SIRPA: variants seen among roughly 807,000 people sequenced by gnomAD.
The protein encoded by SIRPA is tyrosine-protein phosphatase non-receptor type substrate 1.
SIRPA carries 9 observed loss-of-function variants against 50.3 expected under a neutral mutation model. That is an observed-to-expected ratio of 0.18 (90% CI 0.11 to 0.31). The LOEUF is 0.31. SIRPA is among the 10% of genes least tolerant of loss of function. SIRPA has a pLI of 1.00. For missense variants in SIRPA, 474 were observed against 661.6 expected (o/e 0.72, Z 3.11); for synonymous variants, 265 against 284.1 (o/e 0.93, Z 0.68).
chr20:1,907,906 A>C (rs1453333556), intron 1 of SIRPA, among the ~76,000 whole-genome samples: 1 of 152,222 alleles, frequency 6.6e-6, no homozygotes, highest in South Asian at 2.1e-4. Flanking sequence ...CCACTGGTGC[A>C]GCCCCGGCCA....
intron 5 of SIRPA, among the ~76,000 whole-genome samples, 188 bp downstream of exon 5, chr20:1,925,065 C>T (rs1371237536): frequency 6.6e-6 from 1 of 152,158 alleles, no homozygotes; most frequent in African/African-American, 2.4e-5. Flanking sequence ...CTGTGGCTTC[C>T]CCCTCATGGT....
chr20:1,906,091 C>T (rs183936168), intron 1 of SIRPA, among the ~76,000 whole-genome samples: 1 of 152,322 alleles, frequency 6.6e-6, no homozygotes, highest in Non-Finnish European at 1.5e-5. Flanking sequence ...TTACTCTGTG[C>T]CAGGCACGCT....
chr20:1,937,528 C>T lies in SIRPA; in HGVS notation c.1475C>T (p.Ser492Phe), dbSNP rs761977699. 9 of 1,614,176 alleles carry T rather than the reference C, an allele frequency of 5.6e-6. No homozygotes were observed. The highest frequency in any genetic ancestry group is 6.8e-6 in the Non-Finnish European group (8 of 1,180,036). The change falls in exon 8 of 8, where the codon TCC becomes TTC. Residue 492 changes from serine to phenylalanine, a missense_variant. By Grantham distance (155) the Ser-to-Phe change is radical. Coordinates refer to ENST00000358771, the MANE Select transcript of SIRPA (RefSeq NM_001040023.2). This position sits in a 1 kb window ranked among gnomAD's most constrained non-coding sequence, Gnocchi z 8.3. ...CAGCCGGCCCCCAAGCCTGAGCCGTCCTTCTCAGAGTACGCCAGCGTCCAG... is the reference window on the plus strand; with the variant it reads ...CAGCCGGCCCCCAAGCCTGAGCCGTTCTTCTCAGAGTACGCCAGCGTCCAG... ...PKQPAPKPEP[S>F]FSEYASVQVP...
chr20:1,909,278 C>T (rs931534301), intron 1 of SIRPA, among the ~76,000 whole-genome samples: 1 of 152,176 alleles, frequency 6.6e-6, no homozygotes, highest in African/African-American at 2.4e-5. Flanking sequence ...CTGTGGTGAC[C>T]CACTGCTTCC....
chr20:1,894,257 C>G (rs1600378461), upstream of SIRPA: 3 of 149,196 alleles, frequency 2.0e-5, no homozygotes, highest in East Asian at 5.9e-4. The surrounding 1 kb of genome is among the most constrained non-coding windows in gnomAD (Gnocchi z 4.0). Flanking sequence ...GACGCCCCCC[C>G]GCCCCCCGCG....
chr20:1,910,416 A>T (rs1478927114), intron 1 of SIRPA, among the ~76,000 whole-genome samples: 7 of 152,264 alleles, frequency 4.6e-5, no homozygotes, highest in African/African-American at 1.7e-4. Flanking sequence ...TTATAAAGTA[A>T]TAAGAAAACA....
Position 1,929,992 on chromosome 20 carries a change from C to T in SIRPA, c.1226+2093C>T, listed in dbSNP as rs1244101141. On this transcript the variant is annotated intron_variant, in intron 6 of 7. Transcript: ENST00000358771. ...TCAACCACACTGTGCTCCCCCCTTC[C>T]CTCCTCCCACAGTCTGCCCTCCTCC... is the stretch of plus-strand genomic sequence containing the variant. 2.0e-5 allele frequency among the ~76,000 whole-genome samples: 3 copies of T among 152,140 alleles called. No homozygotes were observed. The East Asian group carries it at 5.8e-4, about 29-fold the overall frequency.
chr20:1,914,079 T>G (rs904041985), intron 1 of SIRPA, among the ~76,000 whole-genome samples: 4 of 152,194 alleles, frequency 2.6e-5, no homozygotes, highest in Non-Finnish European at 4.4e-5. Flanking sequence ...CAGGTGTTGG[T>G]GAGAGTGAAG....
chr20:1,930,686 G>T (rs1476306223), intron 6 of SIRPA, among the ~76,000 whole-genome samples: 1 of 152,158 alleles, frequency 6.6e-6, no homozygotes, highest in South Asian at 2.1e-4. Context: ...CGCTTCCTAG[G>T]TTCAGATGAT....
Position 1,928,690 on chromosome 20 carries a change from G to A in SIRPA, c.1226+791G>A, listed in dbSNP as rs1452770635. On this transcript the variant is annotated intron_variant, in intron 6 of 7. Transcript: ENST00000358771. This position sits in a 1 kb window ranked among gnomAD's most constrained non-coding sequence, Gnocchi z 4.9. ...CTGCCTCTGAAAAGGGGATGCAAAC[G>A]GGTGCCTGAAACTAGTGAGCTATGT... Among the ~76,000 whole-genome samples the A allele has an allele frequency of 4.6e-5, 7 of 152,124 alleles. No homozygotes were observed. Among genetic ancestry groups the A allele is most frequent in the Non-Finnish European group, 8.8e-5 (6 of 68,032 alleles).
At chr20:1,916,804 ACCTTACT>A (rs1256995896) in intron 2 of SIRPA, among the ~76,000 whole-genome samples, 1 of 152,192 alleles carries the variant, frequency 6.6e-6, no homozygotes, top group Non-Finnish European at 1.5e-5. Flanking sequence ...TACATGTGTG[ACCTTACT>A]CAGGTGGGAG....
chr20:1,926,773 C>A (rs1986003263), intron 5 of SIRPA, among the ~76,000 whole-genome samples: 1 of 152,186 alleles, frequency 6.6e-6, no homozygotes, highest in Admixed American at 6.5e-5. Context: ...AATTTAAACC[C>A]AAGGACCATG....
chr20:1,899,558 CTG>C (rs1984040927), intron 1 of SIRPA, among the ~76,000 whole-genome samples: 1 of 152,210 alleles, frequency 6.6e-6, no homozygotes, highest in South Asian at 2.1e-4. Flanking sequence ...ACTCTCAGCT[CTG>C]TGCCTTGGCC....
intron 1 of SIRPA, among the ~76,000 whole-genome samples, chr20:1,914,584 GGC>G (rs375880974): frequency 0.41 from 60,981 of 150,436 alleles, 12,739 homozygotes; most frequent in East Asian, 0.66. Flanking sequence ...CCTGAGTGGT[GGC>G]CCAAGGACAC....
rs189066894 is a variant in SIRPA, at chr20:1,937,542, G to A, written c.1489G>A (p.Ala497Thr). The A allele has an allele frequency of 5.8e-5, 94 of 1,614,092 alleles. No individual in the cohort carries two copies. In the East Asian group the frequency reaches 1.2e-3, roughly 21 times the overall value. The change falls in exon 8 of 8, where the codon GCC becomes ACC. Residue 497 changes from alanine (A) to threonine (T), a missense_variant. Transcript: ENST00000358771. The surrounding 1 kb of genome is among the most constrained non-coding windows in gnomAD (Gnocchi z 8.3). Reference protein sequence around the residue: ...PKPEPSFSEYASVQVPRK With the variant: ...PKPEPSFSEYTSVQVPRK ...GCCTGAGCCGTCCTTCTCAGAGTAC[G>A]CCAGCGTCCAGGTCCCGAGGAAGTG... is the stretch of plus-strand genomic sequence containing the variant.
Position 1,933,346 on chromosome 20 carries a change from C to T in SIRPA, c.1227-1369C>T, listed in dbSNP as rs972668566. On this transcript the variant is annotated intron_variant, in intron 6 of 7. Transcript: ENST00000358771. This position sits in a 1 kb window ranked among gnomAD's most constrained non-coding sequence, Gnocchi z 4.4. ...AAAGTTAGCCAAGAGGAAAAATGAT[C>T]AAAGGGGTCCTTCGAGGCTGCTATT... Among the ~76,000 whole-genome samples the T allele has an allele frequency of 1.3e-4, 20 of 151,556 alleles. No homozygotes were observed. The highest frequency in any genetic ancestry group is 4.6e-4 in the African/African-American group (19 of 41,152).
Position 1,901,123 on chromosome 20 carries a change from C to T in SIRPA, c.79+5597C>T, listed in dbSNP as rs1160242836. 2.1e-5 allele frequency among the ~76,000 whole-genome samples: 3 copies of T among 146,150 alleles called. No homozygotes were observed. In the East Asian group the frequency reaches 5.8e-4, roughly 28 times the overall value. On this transcript the variant is annotated intron_variant, in intron 1 of 7. Transcript: ENST00000358771. ...CTGGCACCCTGCTCCCTTAGTGCTC[C>T]TCTCATTTTTGTTTTTGTTTTTTCT...
intron 2 of SIRPA, 145 bp from the exon 3 acceptor site, chr20:1,921,250 A>G (rs1985631394): frequency 2.1e-6 from 3 of 1,446,356 alleles, no homozygotes; most frequent in Non-Finnish European, 2.8e-6. Flanking sequence ...GTAAAATGAC[A>G]ATAAGGACAC....
At position 1,924,664 on chromosome 20, in the gene SIRPA, C is replaced by T. The variant is rs545983603; in HGVS notation, c.1088-100C>T. 2.1e-6 allele frequency: 2 copies of T among 937,260 alleles called. No homozygotes were observed. Among genetic ancestry groups the T allele is most frequent in the Admixed American group, 3.9e-5 (2 of 51,436 alleles). The allele number at this position is 937,260 out of a possible 1,614,324, so 58.1% of individuals were successfully genotyped here. A position where few individuals can be genotyped will look rare whatever the true frequency, so the allele number is the denominator to read the frequency against. ...ATCTAAGAAGGTCCAGCCAGATGTT[C>T]TCAGTTAATGATGCCTGCTTAGTGG... On this transcript the variant is annotated intron_variant, in intron 4 of 7. Coordinates refer to ENST00000358771, the MANE Select transcript of SIRPA (RefSeq NM_001040023.2). This position sits in a 1 kb window ranked among gnomAD's most constrained non-coding sequence, Gnocchi z 4.5.
Sources: allele counts gnomAD v4.1 joint callset (sites outside exome capture counted in the v4.1 genomes callset), GRCh38; gene constraint gnomAD v4.1.1; non-coding constraint Gnocchi (gnomAD v3.1); transcripts MANE v1.5; gene names NCBI Gene and HGNC (gene_info 2026-07-23, HGNC 2026-07-21).